PLCB3: variants seen among roughly 807,000 people sequenced by gnomAD.
PLCB3 encodes 1-phosphatidylinositol 4,5-bisphosphate phosphodiesterase beta-3.
A neutral mutation model predicts 152.1 loss-of-function variants in PLCB3; 54 were observed. The ratio of observed to expected loss-of-function variants is 0.36; its 90% CI spans 0.29 to 0.45. The LOEUF (loss-of-function observed/expected upper bound fraction) is 0.45, where lower values mean the gene tolerates loss of function less well. Among genes scored for constraint, PLCB3 ranks in the 20% least tolerant of loss-of-function variants. The pLI is 1.00. For synonymous variants in PLCB3, 717 were observed against 698.7 expected, an observed-to-expected ratio of 1.03 and a Z score of -0.41; for missense variants, 1,248 against 1,687.5, an observed-to-expected ratio of 0.74 and a Z score of 4.56.
rs756896507 is a variant in PLCB3 at position 64,264,500 on chromosome 11, G to C, written c.2652+388G>C. On this transcript the variant is annotated intron_variant, in intron 22 of 30. Coordinates refer to ENST00000279230, the MANE Select transcript of PLCB3 (RefSeq NM_000932.5). ...AGTCCCCCCAGGGCCTGCGGCAGGC[G>C]GGCGGGGAGAGATGACTGCAATTAG... 1.2e-4 allele frequency among the ~76,000 whole-genome samples: 18 copies of C among 152,330 alleles called. No individual in the cohort carries two copies. The East Asian group carries it at 2.7e-3, about 23-fold the overall frequency.
intron 22 of PLCB3, 88 bp from the exon 23 acceptor site, chr11:64,264,863 G>T (rs2032029780): frequency 3.1e-6 from 4 of 1,306,272 alleles, no homozygotes; most frequent in East Asian, 2.3e-5. Flanking sequence ...GCTGACAGGG[G>T]TGCTAGGGGA....
chr11:64,264,971 G>C lies in PLCB3; in HGVS notation c.2673G>C (p.Thr891=). The stretch of plus-strand genomic sequence containing the variant: ...TATAGGCTCAGGCTGGCCAAGAGAC[G>C]TGCCAGGACACCCAGTCTCAGCAGC... ...GESEAQAGQE[T]CQDTQSQQLG... Residue 891 remains threonine, a synonymous_variant, in exon 23 of 31, where the codon ACG becomes ACC. Transcript: ENST00000279230. 1 of 1,612,926 alleles carries C rather than the reference G, an allele frequency of 6.2e-7. No homozygotes were observed.
chr11:64,259,078 G>A lies in PLCB3; in HGVS notation c.1359G>A (p.Leu453=). The A allele has an allele frequency of 6.2e-7, 1 of 1,612,126 alleles. No individual in the cohort carries two copies. The highest frequency in any genetic ancestry group is 1.7e-5 in the Admixed American group (1 of 59,914). The change falls in exon 13 of 31, where the codon CTG becomes CTA. Residue 453 remains leucine (L), a synonymous_variant. Coordinates refer to ENST00000279230, the MANE Select transcript of PLCB3 (RefSeq NM_000932.5). ...DKYPLAPGVP[L]PSPQDLMGRI... is the part of the protein sequence containing the mutation. ...CCCAGCTGGCCCCAGGCGTTCCCCTGCCCAGCCCCCAGGACCTGATGGGCC... is the reference window on the plus strand; with the variant it reads ...CCCAGCTGGCCCCAGGCGTTCCCCTACCCAGCCCCCAGGACCTGATGGGCC...
Position 64,261,562 on chromosome 11 carries a change from T to C in PLCB3, c.1829-19T>C. 3 of 1,613,762 alleles carry C rather than the reference T, an allele frequency of 1.9e-6. No homozygotes were observed. Among genetic ancestry groups the C allele is most frequent in the South Asian group, 2.2e-5 (2 of 91,070 alleles). ...TCAGCCCTGCCAGGTCTGACGCCCT[T>C]TCTTGGCTCACCCCTAAGAGAGGAA... is the stretch of plus-strand genomic sequence containing the variant. On this transcript the variant is annotated intron_variant, in intron 15 of 30. Transcript: ENST00000279230.
rs764414205 is a variant in PLCB3, at chr11:64,262,477, G to A, written c.2109G>A (p.Glu703=). The change falls in exon 18 of 31, where the codon GAG becomes GAA. Residue 703 remains glutamate, a synonymous_variant. Coordinates refer to ENST00000279230, the MANE Select transcript of PLCB3 (RefSeq NM_000932.5). ...NGRSGYLLKP[E]FMRRPDKSFD... Reference sequence around the variant, plus strand: ...GCAGCGGGTACCTGCTCAAGCCGGAGTTCATGCGGCGGCCGGACAAGTCCT... The same window carrying A: ...GCAGCGGGTACCTGCTCAAGCCGGAATTCATGCGGCGGCCGGACAAGTCCT... The A allele has an allele frequency of 3.1e-6, 5 of 1,614,034 alleles. No individual in the cohort carries two copies. In the East Asian group the frequency reaches 1.1e-4, roughly 36 times the overall value.
chr11:64,263,460 G>A, intron 19 of PLCB3, 38 bp from the exon 20 acceptor site: 1 of 1,382,194 alleles, frequency 7.2e-7, no homozygotes, highest in East Asian at 2.5e-5. Flanking sequence ...CAGTGGCCCA[G>A]GGTCAGCCCT....
chr11:64,262,783 A>T lies in PLCB3; in HGVS notation c.2330A>T (p.Asp777Val). The T allele has an allele frequency of 6.2e-7, 1 of 1,613,648 alleles. No individual in the cohort carries two copies. Among genetic ancestry groups the T allele is most frequent in the Non-Finnish European group, 8.5e-7 (1 of 1,179,978 alleles). ...GGGAACTCGTTCAACCCCGTGTGGG[A>T]CGAAGAGCCCTTCGACTTCCCCAAG... Reference protein sequence around the residue: ...SQGNSFNPVWDEEPFDFPKVV... With the variant: ...SQGNSFNPVWVEEPFDFPKVV... Residue 777 changes from aspartate to valine, a missense_variant, in exon 19 of 31, where the codon GAC becomes GTC. Coordinates refer to ENST00000279230, the MANE Select transcript of PLCB3 (RefSeq NM_000932.5).
At position 64,256,622 on chromosome 11, in the gene PLCB3, G is replaced by A; in HGVS notation, c.870G>A (p.Gln290=). 6.2e-7 allele frequency: 1 copy of A among 1,614,156 alleles called. No homozygotes were observed. Among genetic ancestry groups the A allele is most frequent in the Non-Finnish European group, 8.5e-7 (1 of 1,180,024 alleles). The part of the protein sequence containing the change: ...EPNQQFLERD[Q]MSMEGFSRYL... ...GCTGATCCTCTCCCACCCCAGACCA[G>A]ATGTCCATGGAGGGCTTTAGCCGCT... The change falls in exon 10 of 31, where the codon CAG becomes CAA. Residue 290 remains glutamine, a synonymous_variant. Transcript: ENST00000279230.
rs1248733553 is a variant in PLCB3 at position 64,261,932 on chromosome 11, C to T, written c.1914-20C>T. 1 of 1,613,748 alleles carries T rather than the reference C, an allele frequency of 6.2e-7. No individual in the cohort carries two copies. The highest frequency in any genetic ancestry group is 1.3e-5 in the African/African-American group (1 of 75,034). The stretch of plus-strand genomic sequence containing the variant: ...GGGGTGGGCCCTGGCACCTGTGTGG[C>T]CCCTGACCACCAATCTCAGATACAA... On this transcript the variant is annotated intron_variant, in intron 16 of 30. Coordinates refer to ENST00000279230, the MANE Select transcript of PLCB3 (RefSeq NM_000932.5).
Position 64,251,633 on chromosome 11 carries a change from C to A in PLCB3, c.-17C>A, listed in dbSNP as rs1382793788. 45 of 1,407,684 alleles carry A rather than the reference C, an allele frequency of 3.2e-5. No individual in the cohort carries two copies. Among genetic ancestry groups the A allele is most frequent in the Non-Finnish European group, 3.9e-5 (42 of 1,066,582 alleles). The allele number at this position is 1,407,684 out of a possible 1,614,324, so 87.2% of individuals were successfully genotyped here. A position where few individuals can be genotyped will look rare whatever the true frequency, so the allele number is the denominator to read the frequency against. On this transcript the variant is annotated 5_prime_UTR_variant, in exon 1 of 31. Transcript: ENST00000279230. Reference sequence around the variant, plus strand: ...CGTCAGGGCTCCGTGGGTCCCCGACCCGCCCCTGGCCGGGCCATGGCGGGC... The same window carrying A: ...CGTCAGGGCTCCGTGGGTCCCCGACACGCCCCTGGCCGGGCCATGGCGGGC...
chr11:64,263,496 A>C lies in PLCB3; in HGVS notation c.2356-2A>C. 1 of 1,548,132 alleles carries C rather than the reference A, an allele frequency of 6.5e-7. No homozygotes were observed. The highest frequency in any genetic ancestry group is 1.2e-5 in the South Asian group (1 of 84,490). On this transcript the variant is annotated splice_acceptor_variant, in intron 19 of 30. Coordinates refer to ENST00000279230, the MANE Select transcript of PLCB3 (RefSeq NM_000932.5). LOFTEE classifies it high-confidence loss of function. The stretch of plus-strand genomic sequence containing the variant: ...GTGGCTCAGCTCCAGTCTGGCCCAC[A>C]GGTGGTGCTGCCCACGCTGGCTTCA...
intron 1 of PLCB3, among the ~76,000 whole-genome samples, chr11:64,252,704 C>A (rs1197180276): frequency 6.6e-6 from 1 of 151,776 alleles, no homozygotes; most frequent in Non-Finnish European, 1.5e-5. Context: ...CCCCAGGGGC[C>A]GGGGGAGACC....
At chr11:64,260,439 G>C (rs1311016227) in intron 14 of PLCB3, among the ~76,000 whole-genome samples, 1 of 152,128 alleles carries the variant, frequency 6.6e-6, no homozygotes, top group East Asian at 1.9e-4. Context: ...GGAGGTGCGA[G>C]TTAGGGTACA....
chr11:64,263,280 C>T (rs2031946981), intron 19 of PLCB3: 1 of 554,644 alleles, frequency 1.8e-6, no homozygotes, highest in East Asian at 3.0e-5. Flanking sequence ...GGCTGCCTGT[C>T]ATCTTGCCTC....
Position 64,267,553 on chromosome 11 carries a change from C to T in PLCB3, c.3702C>T (p.Leu1234=), listed in dbSNP as rs761863228. 2.6e-5 allele frequency: 41 copies of T among 1,560,102 alleles called. No homozygotes were observed. Among genetic ancestry groups the T allele is most frequent in the Non-Finnish European group, 5.2e-6 (6 of 1,157,922 alleles). Residue 1234 remains leucine, a synonymous_variant, in exon 31 of 31, where the codon CTC becomes CTT. Transcript: ENST00000279230. This position sits in a 1 kb window ranked among gnomAD's most constrained non-coding sequence, Gnocchi z 5.2. ...AGAGCCAGGAGGAGAACACGCAGCT[C>T]TGAACTGGCTGAGCGAGGTGGCCAC... ...DSESQEENTQ[L]
In PLCB3 at chr11:64,261,920, G is replaced by A. The variant is rs374208409; in HGVS notation, c.1914-32G>A. 11 of 1,613,076 alleles carry A rather than the reference G, an allele frequency of 6.8e-6. No homozygotes were observed. In the African/African-American group the frequency reaches 1.3e-4, roughly 20 times the overall value. ...GTGGAGGCTGATGGGGTGGGCCCTG[G>A]CACCTGTGTGGCCCCTGACCACCAA... is the stretch of plus-strand genomic sequence containing the variant. On this transcript the variant is annotated intron_variant, in intron 16 of 30. Coordinates refer to ENST00000279230, the MANE Select transcript of PLCB3 (RefSeq NM_000932.5).
At chr11:64,262,365 G>T in intron 17 of PLCB3, 42 bp from the exon 18 acceptor site, 5 of 1,603,720 alleles carry the variant, frequency 3.1e-6, no homozygotes, top group Non-Finnish European at 4.3e-6. Flanking sequence ...GCACCGTCCT[G>T]CCTGATCCCT....
At chr11:64,269,069 G>A (rs762876150), downstream of PLCB3, 1 of 152,420 alleles carries the variant, frequency 6.6e-6, no homozygotes, top group Non-Finnish European at 1.5e-5. Context: ...GTCCACTGAG[G>A]GACACACTCC....
Position 64,266,719 on chromosome 11 carries a change from T to C in PLCB3, c.3414+167T>C, listed in dbSNP as rs1369601429. The stretch of plus-strand genomic sequence containing the variant: ...CACATCATACCCAAAGCCAACTGTC[T>C]GTACCAGTGTCCCTGGCTTTGGCGT... On this transcript the variant is annotated intron_variant, in intron 29 of 30. Coordinates refer to ENST00000279230, the MANE Select transcript of PLCB3 (RefSeq NM_000932.5). The surrounding 1 kb of genome is among the most constrained non-coding windows in gnomAD (Gnocchi z 4.9). Among the ~76,000 whole-genome samples, 1 of 152,182 alleles carries C rather than the reference T, an allele frequency of 6.6e-6. No individual in the cohort carries two copies.
Sources: allele counts gnomAD v4.1 joint callset (sites outside exome capture counted in the v4.1 genomes callset), GRCh38; gene constraint gnomAD v4.1.1; non-coding constraint Gnocchi (gnomAD v3.1); transcripts MANE v1.5; gene names NCBI Gene and HGNC (gene_info 2026-07-23, HGNC 2026-07-21).